Variants in ZNF644 observed in about 807,000 individuals in gnomAD.
The protein encoded by ZNF644 is zinc finger protein 644.
A neutral mutation model predicts 108.0 loss-of-function variants in ZNF644; 20 were observed. The ratio of observed to expected loss-of-function variants is 0.19; its 90% confidence interval spans 0.13 to 0.27. The LOEUF is 0.27. Among genes scored for constraint, ZNF644 ranks in the 10% least tolerant of loss-of-function variants. The probability of loss-of-function intolerance (pLI) is 1.00; values close to 1 mark genes in which losing one functional copy is unlikely to be tolerated. For missense variants in ZNF644, 1,338 were observed against 1,548.9 expected (o/e 0.86, Z 2.29); for synonymous variants, 542 against 539.1 (o/e 1.01, Z -0.08).
intron 2 of ZNF644, among the ~76,000 whole-genome samples, chr1:90,942,622 A>G (rs539053705): frequency 2.0e-5 from 3 of 152,336 alleles, no homozygotes; most frequent in South Asian, 4.1e-4. Context: ...AAAAGTTCCT[A>G]AAGTGTACAG....
intron 1 of ZNF644, among the ~76,000 whole-genome samples, chr1:91,001,792 G>A (rs1258458595): frequency 4.6e-5 from 7 of 152,270 alleles, no homozygotes; most frequent in African/African-American, 1.7e-4. Context: ...AAACCTCATC[G>A]TCTCTGCCCA....
At position 90,941,294 on chromosome 1, in the gene ZNF644, A is replaced by G. The variant is rs201405674; in HGVS notation, c.60T>C (p.Asn20=). The G allele has an allele frequency of 1.1e-4, 181 of 1,599,550 alleles. No homozygotes were observed. Among genetic ancestry groups the G allele is most frequent in the Non-Finnish European group, 1.7e-5 (20 of 1,176,586 alleles). Residue 20 remains asparagine (N), a synonymous_variant, in exon 3 of 6, where the codon AAT becomes AAC. Transcript: ENST00000337393. ...NKTKSRLNVL[N]GLANNMDDLK... ...AATCATCCATATTGTTGGCAAGCCC[A>G]TTTAACACATTTAGTCTAGAAAATG...
At chr1:90,927,537 A>C (rs910805416) in intron 4 of ZNF644, among the ~76,000 whole-genome samples, 1 of 152,226 alleles carries the variant, frequency 6.6e-6, no homozygotes, top group African/African-American at 2.4e-5. Context: ...AGGAAAAATC[A>C]AGTTATTAAC....
chr1:91,013,785 T>C (rs1031869096), intron 1 of ZNF644, among the ~76,000 whole-genome samples: 1 of 152,166 alleles, frequency 6.6e-6, no homozygotes, highest in Non-Finnish European at 1.5e-5. Flanking sequence ...GTGCTTTAAG[T>C]ATGTAATACT....
Position 90,915,442 on chromosome 1 carries a change from T to G in ZNF644, c.*1356A>C, listed in dbSNP as rs1055282606. On this transcript the variant is annotated 3_prime_UTR_variant, in exon 6 of 6. Transcript: ENST00000337393. ...TTAACTGTTTTTAACTTTATTTACATACGAAGCAAAGAATCAATGCATATC... is the reference window on the plus strand; with the variant it reads ...TTAACTGTTTTTAACTTTATTTACAGACGAAGCAAAGAATCAATGCATATC... The G allele has an allele frequency of 6.6e-6, 1 of 152,608 alleles. No individual in the cohort carries two copies. The highest frequency in any genetic ancestry group is 1.5e-5 in the Non-Finnish European group (1 of 68,006). 9.5% of individuals were successfully genotyped at this position (152,608 alleles called of 1,614,324 possible).
chr1:90,946,180 C>A (rs1180389083), intron 2 of ZNF644, among the ~76,000 whole-genome samples: 1 of 151,840 alleles, frequency 6.6e-6, no homozygotes, highest in African/African-American at 2.4e-5. Flanking sequence ...CTATATATAC[C>A]ATACACAATG....
intron 1 of ZNF644, among the ~76,000 whole-genome samples, chr1:90,983,827 TGAG>T (rs1656822666): frequency 1.3e-5 from 2 of 152,206 alleles, no homozygotes; most frequent in Admixed American, 6.5e-5. Flanking sequence ...CTCAGGAGGC[TGAG>T]GCAGGATAAT....
chr1:90,939,176 T>A lies in ZNF644; in HGVS notation c.2178A>T (p.Ala726=), dbSNP rs760128248. 24 of 1,613,776 alleles carry A rather than the reference T, an allele frequency of 1.5e-5. No homozygotes were observed. The highest frequency in any genetic ancestry group is 1.9e-5 in the Non-Finnish European group (23 of 1,179,930). ...DQKPKYFHQA[A]KEKSNAKANS... ...TTGCCTTGGCATTAGACTTTTCTTTTGCTGCTTGATGGAAATACTTAGGTT... is the reference window on the plus strand; with the variant it reads ...TTGCCTTGGCATTAGACTTTTCTTTAGCTGCTTGATGGAAATACTTAGGTT... The change falls in exon 3 of 6, where the codon GCA becomes GCT. Residue 726 remains alanine, a synonymous_variant. Transcript: ENST00000337393.
intron 1 of ZNF644, chr1:91,021,758 T>G (rs1307003529): frequency 3.2e-6 from 1 of 309,020 alleles, no homozygotes; most frequent in Non-Finnish European, 5.9e-6. Flanking sequence ...GGGCTCCTTG[T>G]GTAGCACCAA....
rs1011189233 is a variant in ZNF644 at position 90,916,684 on chromosome 1, TCCC to T, written c.*111_*113del. 130 of 1,139,276 alleles carry T rather than the reference TCCC, an allele frequency of 1.1e-4. No homozygotes were observed. The African/African-American group carries it at 1.7e-3, about 15-fold the overall frequency. The allele number at this position is 1,139,276 out of a possible 1,614,324, so 70.6% of individuals were successfully genotyped here. A position where few individuals can be genotyped will look rare whatever the true frequency, so the allele number is the denominator to read the frequency against. ...GCTCTGATGTCACTGTAATTCACTT[TCCC>T]CCCATTTTCCTGCTTTAGTATTTAT... On this transcript the variant is annotated 3_prime_UTR_variant, in exon 6 of 6. Transcript: ENST00000337393.
chr1:90,922,408 A>T (rs1649549952), intron 4 of ZNF644, among the ~76,000 whole-genome samples: 1 of 152,128 alleles, frequency 6.6e-6, no homozygotes, highest in Non-Finnish European at 1.5e-5. Flanking sequence ...TTGGTGGACA[A>T]TATTAGCTAT....
Position 90,937,790 on chromosome 1 carries a change from T to C in ZNF644, c.3383A>G (p.Tyr1128Cys). Residue 1128 changes from tyrosine to cysteine, a missense_variant, in exon 4 of 6, where the codon TAC becomes TGC. Transcript: ENST00000337393. ...ISQNVIPLEAYRNGLKTEALS... is the reference protein window; with the variant it reads ...ISQNVIPLEACRNGLKTEALS... ...AGCTTCAGTCTTTAGGCCATTACGG[T>C]ATGCTTCAAGAGGTATAACATTTTG... 6.2e-7 allele frequency: 1 copy of C among 1,613,920 alleles called. No individual in the cohort carries two copies. Among genetic ancestry groups the C allele is most frequent in the Non-Finnish European group, 8.5e-7 (1 of 1,179,884 alleles).
intron 1 of ZNF644, 47 bp from the exon 2 acceptor site, chr1:90,982,417 G>A (rs1016531322): frequency 5.7e-6 from 8 of 1,395,052 alleles, no homozygotes. Context: ...TTTGTTTCAG[G>A]CATGAATAAC....
chr1:90,995,757 G>A (rs934295408), intron 1 of ZNF644, among the ~76,000 whole-genome samples: 3 of 152,058 alleles, frequency 2.0e-5, no homozygotes, highest in African/African-American at 4.8e-5. Context: ...CAAAAATGAG[G>A]TGAAAAAAAG....
chr1:91,001,179 A>G (rs1322258748), intron 1 of ZNF644, among the ~76,000 whole-genome samples: 4 of 152,222 alleles, frequency 2.6e-5, no homozygotes, highest in Admixed American at 6.5e-5. Flanking sequence ...TCCCTAACTC[A>G]TTTTATGAGG....
At chr1:90,933,671 A>G (rs577041283) in intron 4 of ZNF644, among the ~76,000 whole-genome samples, 1 of 71,050 alleles carries the variant, frequency 1.4e-5, no homozygotes, top group African/African-American at 4.5e-5. Flanking sequence ...CTCAAAATAA[A>G]TAAATAAATA....
intron 2 of ZNF644, among the ~76,000 whole-genome samples, chr1:90,978,557 G>C (rs1296101681): frequency 1.3e-5 from 2 of 152,088 alleles, no homozygotes; most frequent in Admixed American, 1.3e-4. Context: ...GGTTAAGTTA[G>C]AAATTAGAGA....
chr1:90,990,192 G>C (rs1280014763), intron 1 of ZNF644, among the ~76,000 whole-genome samples: 1 of 152,134 alleles, frequency 6.6e-6, no homozygotes, highest in Admixed American at 6.6e-5. Context: ...CAGACACAGA[G>C]TTTCTCTTTT....
At chr1:90,989,413 C>T (rs542717347) in intron 1 of ZNF644, among the ~76,000 whole-genome samples, 3 of 152,100 alleles carry the variant, frequency 2.0e-5, no homozygotes, top group South Asian at 4.1e-4. Flanking sequence ...TGTGGTAGCA[C>T]GCGTTTGTAG....
Sources: gnomAD v4.1 joint callset for allele counts (sites outside exome capture counted in the v4.1 genomes callset) on GRCh38, gnomAD v4.1.1 for gene constraint, MANE v1.5 for transcripts, NCBI Gene and HGNC (gene_info 2026-07-23, HGNC 2026-07-21) for gene names.